Variants in MYH14 observed in about 807,000 individuals in gnomAD.
MYH14 encodes the protein myosin-14.
MYH14 carries 123 observed loss-of-function variants against 255.5 expected under a neutral mutation model. The observed-to-expected ratio is 0.48, with a 90% CI of 0.42 to 0.56. The LOEUF is 0.56. Ranked by LOEUF, MYH14 falls within the 20% of genes least tolerant of loss-of-function variation. The pLI, the probability that MYH14 is intolerant of heterozygous loss-of-function variation, is 0.00. For synonymous variants in MYH14, 1,095 were observed against 1,161.2 expected, an observed-to-expected ratio of 0.94 and a Z score of 1.16; for missense variants, 2,423 against 2,802.3, an observed-to-expected ratio of 0.86 and a Z score of 3.06.
chr19:50,231,197 G>A (rs1301506651), intron 9 of MYH14, among the ~76,000 whole-genome samples: 1 of 152,236 alleles, frequency 6.6e-6, no homozygotes, highest in Non-Finnish European at 1.5e-5. Context: ...CCTCCTGGTG[G>A]CTCAGGCCGC....
At position 50,232,030 on chromosome 19, in the gene MYH14, G is replaced by A. The variant is rs1453583583; in HGVS notation, c.1074G>A (p.Glu358=). The A allele has an allele frequency of 2.2e-5, 35 of 1,613,244 alleles. No individual in the cohort carries two copies. The highest frequency in any genetic ancestry group is 2.7e-5 in the Non-Finnish European group (32 of 1,179,920). The change falls in exon 10 of 43, where the codon GAG becomes GAA. Residue 358 remains glutamate, a synonymous_variant. Transcript: ENST00000642316. The stretch of plus-strand genomic sequence containing the variant: ...GGGAACTCTTCCAGGAGACGCTGGA[G>A]TCGCTGCGGGTCCTGGGATTCAGCC... ...QERELFQETL[E]SLRVLGFSHE... is the part of the protein sequence containing the mutation.
Position 50,261,518 on chromosome 19 carries a change from A to G in MYH14, c.2468A>G (p.Gln823Arg). ...ELDPNLYRVGQSKIFFRAGVL... is the reference protein window; with the variant it reads ...ELDPNLYRVGRSKIFFRAGVL... Reference sequence around the variant, plus strand: ...GACCCCAACCTCTACCGCGTGGGACAGAGCAAGATCTTCTTCCGGGCTGGG... The same window carrying G: ...GACCCCAACCTCTACCGCGTGGGACGGAGCAAGATCTTCTTCCGGGCTGGG... The change falls in exon 21 of 43, where the codon CAG becomes CGG. Residue 823 changes from glutamine to arginine, a missense_variant. By Grantham distance (43) the Gln-to-Arg change is conservative. Transcript: ENST00000642316. 6.4e-7 allele frequency: 1 copy of G among 1,567,766 alleles called. No individual in the cohort carries two copies. The highest frequency in any genetic ancestry group is 8.6e-7 in the Non-Finnish European group (1 of 1,160,898).
rs576389510 is a variant in MYH14 at position 50,238,478 on chromosome 19, G to T, written c.1115-5764G>T. 2.6e-5 allele frequency among the ~76,000 whole-genome samples: 4 copies of T among 152,080 alleles called. No homozygotes were observed. In the East Asian group the frequency reaches 7.7e-4, roughly 29 times the overall value. The stretch of plus-strand genomic sequence containing the variant: ...TATTTTTTTTGAGATGGAGTCTAGC[G>T]CTCTGTTGCCCAGGCTGGAGCAGAG... On this transcript the variant is annotated intron_variant, in intron 10 of 42. Transcript: ENST00000642316.
chr19:50,245,251 T>C (rs1404827834), intron 11 of MYH14, among the ~76,000 whole-genome samples: 1 of 151,424 alleles, frequency 6.6e-6, no homozygotes, highest in Non-Finnish European at 1.5e-5. Context: ...AAACTTCTTC[T>C]CTACTAAAAA....
At chr19:50,297,249 G>T (rs1022930595) in intron 39 of MYH14, among the ~76,000 whole-genome samples, 5 of 151,990 alleles carry the variant, frequency 3.3e-5, no homozygotes, top group African/African-American at 9.7e-5. Flanking sequence ...CTCCCAAAGT[G>T]CTGGGATTAC....
At chr19:50,204,245 G>T (rs1473276795) in intron 1 of MYH14, among the ~76,000 whole-genome samples, 1 of 152,172 alleles carries the variant, frequency 6.6e-6, no homozygotes, top group African/African-American at 2.4e-5. Context: ...GGCCGAATTG[G>T]TGACTGCAGG....
intron 1 of MYH14, among the ~76,000 whole-genome samples, chr19:50,208,465 C>T (rs902135461): frequency 1.4e-5 from 2 of 146,812 alleles, no homozygotes; most frequent in African/African-American, 2.7e-5. Flanking sequence ...CAAAAAAACC[C>T]AACAAACCCA....
chr19:50,242,834 G>A (rs1388815828), intron 10 of MYH14, among the ~76,000 whole-genome samples: 6 of 152,138 alleles, frequency 3.9e-5, no homozygotes, highest in African/African-American at 1.2e-4. Context: ...CAGGGGTGGT[G>A]TTCTGCCTTC....
intron 2 of MYH14, among the ~76,000 whole-genome samples, chr19:50,214,736 G>A (rs562281148): frequency 2.0e-5 from 3 of 152,206 alleles, no homozygotes; most frequent in South Asian, 2.1e-4. Context: ...AGCCAGGATC[G>A]TGCCACTACA....
intron 20 of MYH14, 114 bp downstream of exon 20, chr19:50,260,829 G>A (rs1319879941): frequency 5.2e-6 from 4 of 773,812 alleles, no homozygotes; most frequent in Admixed American, 2.0e-5. Context: ...GCAAGTGTGT[G>A]TGCATGCACG....
At position 50,266,996 on chromosome 19, in the gene MYH14, C is replaced by A; in HGVS notation, c.2814C>A (p.Gly938=). The A allele has an allele frequency of 6.4e-7, 1 of 1,565,734 alleles. No homozygotes were observed. Among genetic ancestry groups the A allele is most frequent in the Non-Finnish European group, 8.6e-7 (1 of 1,156,228 alleles). The change falls in exon 23 of 43, where the codon GGC becomes GGA. Residue 938 remains glycine, a synonymous_variant. Coordinates refer to ENST00000642316, the MANE Select transcript of MYH14 (RefSeq NM_001145809.2). This position sits in a 1 kb window ranked among gnomAD's most constrained non-coding sequence, Gnocchi z 4.1. The stretch of plus-strand genomic sequence containing the variant: ...CCCGCGAAGTTGGGGAGCTCCAGGG[C>A]CGAGTGGCACAGGTGAGGGGGCGGG... ...QSAREVGELQ[G]RVAQLEEERA...
At chr19:50,235,113 T>C (rs1233698440) in intron 10 of MYH14, among the ~76,000 whole-genome samples, 1 of 152,192 alleles carries the variant, frequency 6.6e-6, no homozygotes, top group Non-Finnish European at 1.5e-5. Context: ...GGCTCACGCC[T>C]GTAATCCCAA....
chr19:50,275,957 C>T (rs756894067), intron 27 of MYH14, 34 bp from the exon 28 acceptor site: 2 of 1,561,978 alleles, frequency 1.3e-6, no homozygotes, highest in Non-Finnish European at 8.8e-7. Flanking sequence ...CTGGCCTGCC[C>T]CTGTATCAAC....
intron 35 of MYH14, among the ~76,000 whole-genome samples, chr19:50,290,537 G>T (rs921470472): frequency 1.3e-5 from 2 of 152,184 alleles, no homozygotes; most frequent in African/African-American, 4.8e-5. Context: ...GGTCTCTGCA[G>T]GGTTTTGTCT....
chr19:50,236,282 G>A (rs1245743567), intron 10 of MYH14, among the ~76,000 whole-genome samples: 1 of 151,696 alleles, frequency 6.6e-6, no homozygotes, highest in Non-Finnish European at 1.5e-5. Context: ...GCAGTGAACC[G>A]AGATCATGCC....
chr19:50,301,107 A>C (rs2036466938), intron 39 of MYH14, among the ~76,000 whole-genome samples: 1 of 152,136 alleles, frequency 6.6e-6, no homozygotes, highest in Non-Finnish European at 1.5e-5. Flanking sequence ...AATAAACGGG[A>C]ACTATTATTA....
At chr19:50,301,610 C>T in intron 39 of MYH14, 51 bp from the exon 40 acceptor site, 1 of 1,481,096 alleles carries the variant, frequency 6.8e-7, no homozygotes, top group Non-Finnish European at 9.4e-7. Flanking sequence ...TTACCTACCA[C>T]CTTCCCTCTG....
chr19:50,299,893 C>T (rs1030309282), intron 39 of MYH14, among the ~76,000 whole-genome samples: 1 of 151,376 alleles, frequency 6.6e-6, no homozygotes, highest in Non-Finnish European at 1.5e-5. Context: ...TGCAGTGAGC[C>T]GAGATCGTGC....
chr19:50,259,599 C>A (rs777931180), intron 19 of MYH14, among the ~76,000 whole-genome samples: 7 of 152,156 alleles, frequency 4.6e-5, no homozygotes, highest in Non-Finnish European at 1.0e-4. Flanking sequence ...AAGTAGAAGG[C>A]GGGGCGCGGT....
Sources: allele counts gnomAD v4.1 joint callset (sites outside exome capture counted in the v4.1 genomes callset), GRCh38; gene constraint gnomAD v4.1.1; non-coding constraint Gnocchi (gnomAD v3.1); transcripts MANE v1.5; gene names NCBI Gene and HGNC (gene_info 2026-07-23, HGNC 2026-07-21).